MOBP: variants seen among roughly 807,000 people sequenced by gnomAD.
The protein encoded by MOBP is myelin associated oligodendrocyte basic protein.
MOBP carries 5 observed loss-of-function variants against 15.0 expected under a neutral mutation model. The observed-to-expected ratio is 0.33, with a 90% CI of 0.17 to 0.70. MOBP has a LOEUF of 0.70. Among genes scored for constraint, MOBP ranks in the 30% least tolerant of loss-of-function variants. The probability of loss-of-function intolerance (pLI) is 0.67; values close to 1 mark genes in which losing one functional copy is unlikely to be tolerated. For synonymous variants in MOBP, 88 were observed against 99.0 expected (o/e 0.89, Z 0.66); for missense variants, 188 against 257.8 (o/e 0.73, Z 1.85).
chr3:39,490,655 C>T (rs979465469), intron 2 of MOBP, among the ~76,000 whole-genome samples: 2 of 152,100 alleles, frequency 1.3e-5, no homozygotes, highest in Admixed American at 6.6e-5. Context: ...CTTCACCTCC[C>T]GGGCTCAAGC....
At chr3:39,506,846 A>G (rs1390411272), downstream of MOBP, among the ~76,000 whole-genome samples, 1 of 152,206 alleles carries the variant, frequency 6.6e-6, no homozygotes, top group Admixed American at 6.5e-5. Flanking sequence ...TGTGGCCTTC[A>G]TGCTGCTTTT....
chr3:39,470,874 A>C (rs2042459537), intron 1 of MOBP, among the ~76,000 whole-genome samples: 1 of 152,196 alleles, frequency 6.6e-6, no homozygotes, highest in South Asian at 2.1e-4. Context: ...GTTCCTTATG[A>C]AAGAATAAGT....
chr3:39,489,687 C>CCCCT (rs1408546928), intron 2 of MOBP, among the ~76,000 whole-genome samples: 1 of 85,350 alleles, frequency 1.2e-5, no homozygotes, highest in Admixed American at 9.7e-5. Context: ...GTGTATTGTT[C>CCCCT]CCCGCCCAGC....
chr3:39,474,418 C>T (rs961399690), intron 1 of MOBP, among the ~76,000 whole-genome samples: 3 of 152,192 alleles, frequency 2.0e-5, no homozygotes, highest in South Asian at 2.1e-4. Context: ...ATTGTGTGAA[C>T]GTCATAGAGT....
Position 39,468,882 on chromosome 3 carries a change from T to A in MOBP, c.-89+1142T>A, listed in dbSNP as rs530261463. On this transcript the variant is annotated intron_variant, in intron 1 of 3. Transcript: ENST00000684792. ...GTGTGTATATATACATATATACATA[T>A]GTGTGTGTATATATACATATATACA... Among the ~76,000 whole-genome samples, 19 of 115,490 alleles carry A rather than the reference T, an allele frequency of 1.6e-4. 2 individuals are homozygous for A. The highest frequency in any genetic ancestry group is 5.4e-4 in the South Asian group (2 of 3,706). The allele number at this position is 115,490 out of a possible 152,430, so 75.8% of individuals were successfully genotyped here.
At chr3:39,492,336 A>G (rs1009513278) in intron 2 of MOBP, among the ~76,000 whole-genome samples, 1 of 152,060 alleles carries the variant, frequency 6.6e-6, no homozygotes, top group Admixed American at 6.6e-5. Context: ...TGCCATGAAG[A>G]TACTCAGGTT....
chr3:39,507,598 T>TA (rs1174490245), downstream of MOBP, among the ~76,000 whole-genome samples: 1 of 152,090 alleles, frequency 6.6e-6, no homozygotes, highest in East Asian at 1.9e-4. Flanking sequence ...AAGGTTAGGG[T>TA]ACACCTGGAA....
intron 4 of MOBP, among the ~76,000 whole-genome samples, chr3:39,508,396 C>A (rs2043075134): frequency 6.6e-6 from 1 of 152,200 alleles, no homozygotes; most frequent in African/African-American, 2.4e-5. Flanking sequence ...TTCACCTATG[C>A]AGTCAACTCC....
intron 4 of MOBP, among the ~76,000 whole-genome samples, chr3:39,510,855 T>C (rs570628685): frequency 1.3e-5 from 2 of 152,376 alleles, no homozygotes; most frequent in East Asian, 3.9e-4. Context: ...TTTAACAAGA[T>C]TAAATTCTTG....
rs567062153 is a variant in MOBP at position 39,487,469 on chromosome 3, T to C, written c.-5+7346T>C. Among the ~76,000 whole-genome samples the C allele has an allele frequency of 2.0e-5, 3 of 152,090 alleles. No individual in the cohort carries two copies. The East Asian group carries it at 5.8e-4, about 29-fold the overall frequency. On this transcript the variant is annotated intron_variant, in intron 2 of 3. Coordinates refer to ENST00000684792, the MANE Select transcript of MOBP (RefSeq NM_001393704.1). ...AATTACTATTGCTTAGTAATGTGTT[T>C]GGATATCTGGGTATGAAAAGTCCTG...
intron 2 of MOBP, among the ~76,000 whole-genome samples, chr3:39,493,814 G>A (rs1007432921): frequency 6.6e-6 from 1 of 152,164 alleles, no homozygotes; most frequent in Non-Finnish European, 1.5e-5. Context: ...GAACCTCAAG[G>A]CAATGGAGGC....
chr3:39,515,723 GC>G (rs2043192819), exon 5 of MOBP: 1 of 152,314 alleles, frequency 6.6e-6, no homozygotes, highest in African/African-American at 2.4e-5. Context: ...CAAGATCTTG[GC>G]CAGGTGCCTT....
intron 1 of MOBP, among the ~76,000 whole-genome samples, chr3:39,477,520 TTGGTAATGCTGATAA>T (rs2042560445): frequency 6.6e-6 from 1 of 151,958 alleles, no homozygotes; most frequent in African/African-American, 2.4e-5. Flanking sequence ...TACATAATAC[TTGGTAATGCTGATAA>T]ATGAATATGT....
chr3:39,520,249 A>G (rs559138582), downstream of MOBP, among the ~76,000 whole-genome samples: 1 of 152,246 alleles, frequency 6.6e-6, no homozygotes, highest in South Asian at 2.1e-4. Flanking sequence ...TCTAATTCCC[A>G]AATGGCCTGA....
At chr3:39,507,816 GTTC>G (rs1203537462), downstream of MOBP, among the ~76,000 whole-genome samples, 1 of 152,204 alleles carries the variant, frequency 6.6e-6, no homozygotes, top group Non-Finnish European at 1.5e-5. Context: ...CACAGCAACT[GTTC>G]TTAAACTTTA....
intron 2 of MOBP, among the ~76,000 whole-genome samples, chr3:39,494,001 A>G (rs1364596120): frequency 1.3e-5 from 2 of 152,204 alleles, no homozygotes; most frequent in Non-Finnish European, 2.9e-5. Flanking sequence ...AAGAAAGGTC[A>G]TCTTCCCATA....
chr3:39,487,975 TTTTC>T (rs1260824700), intron 2 of MOBP, among the ~76,000 whole-genome samples: 8 of 152,194 alleles, frequency 5.3e-5, no homozygotes, highest in African/African-American at 1.2e-4. Flanking sequence ...GATAAAGTTT[TTTTC>T]TATCTATGCA....
At chr3:39,485,895 T>C (rs1338641339) in intron 2 of MOBP, among the ~76,000 whole-genome samples, 1 of 152,170 alleles carries the variant, frequency 6.6e-6, no homozygotes, top group Non-Finnish European at 1.5e-5. Context: ...GATTGCTAGC[T>C]ATAAAAGATA....
At chr3:39,519,854 C>G (rs1336795385), downstream of MOBP, among the ~76,000 whole-genome samples, 2 of 152,186 alleles carry the variant, frequency 1.3e-5, no homozygotes, top group East Asian at 3.9e-4. Context: ...GCAGCCTCCC[C>G]ATGCCCCTCC....
Sources: gnomAD v4.1 joint callset for allele counts (sites outside exome capture counted in the v4.1 genomes callset) on GRCh38, gnomAD v4.1.1 for gene constraint, MANE v1.5 for transcripts, NCBI Gene and HGNC (gene_info 2026-07-23, HGNC 2026-07-21) for gene names.